Variants in GHR observed in about 807,000 individuals in gnomAD.
GHR encodes growth hormone receptor, also known as GH receptor.
GHR carries 35 observed loss-of-function variants against 67.1 expected under a neutral mutation model. That is an observed-to-expected ratio of 0.52 (90% CI 0.40 to 0.69). The LOEUF (loss-of-function observed/expected upper bound fraction) is 0.69, where lower values mean the gene tolerates loss of function less well. Ranked by LOEUF, GHR falls within the 30% of genes least tolerant of loss-of-function variation. The pLI is 0.00. For synonymous variants in GHR, 272 were observed against 269.1 expected (o/e 1.01, Z -0.10); for missense variants, 792 against 764.6 (o/e 1.04, Z -0.42).
rs117881186 is a variant in GHR at position 42,585,798 on chromosome 5, G to A, written c.70+19854G>A. 1.5e-3 allele frequency among the ~76,000 whole-genome samples: 230 copies of A among 152,112 alleles called. 4 individuals carry two copies. The East Asian group carries it at 0.029, about 19-fold the overall frequency. On this transcript the variant is annotated intron_variant, in intron 2 of 9. Transcript: ENST00000230882. Reference sequence around the variant, plus strand: ...AAAAAAAAAAGGAGCTAGTAAGATTGAGAAGGGGAAGAATATCTAAGCTAA... The same window carrying A: ...AAAAAAAAAAGGAGCTAGTAAGATTAAGAAGGGGAAGAATATCTAAGCTAA...
chr5:42,648,371 TAGGGTG>T (rs947019206), intron 3 of GHR, among the ~76,000 whole-genome samples: 9 of 152,254 alleles, frequency 5.9e-5, no homozygotes, highest in African/African-American at 1.9e-4. Flanking sequence ...GGTTATTTTC[TAGGGTG>T]AGGGGACATG....
chr5:42,451,434 G>T (rs1579722381), intron 1 of GHR, among the ~76,000 whole-genome samples: 1 of 147,992 alleles, frequency 6.8e-6, no homozygotes, highest in African/African-American at 2.5e-5. Context: ...AGTCTGTTTT[G>T]TCTGATATAA....
chr5:42,434,961 C>G (rs1475350015), intron 1 of GHR, among the ~76,000 whole-genome samples: 2 of 152,176 alleles, frequency 1.3e-5, no homozygotes, highest in Non-Finnish European at 2.9e-5. Context: ...ATCTTTGTGA[C>G]TCTCAGCCAA....
rs1434310057 is a variant in GHR at position 42,702,483 on chromosome 5, T to G, written c.618+2481T>G. Among the ~76,000 whole-genome samples, 3 of 152,084 alleles carry G rather than the reference T, an allele frequency of 2.0e-5. No homozygotes were observed. The East Asian group carries it at 5.8e-4, about 29-fold the overall frequency. ...ATAGGTCGATTCTATTTCTTGGCTG[T>G]TATAAGTAATGAACATGGGAGCCCA... On this transcript the variant is annotated intron_variant, in intron 6 of 9. Coordinates refer to ENST00000230882, the MANE Select transcript of GHR (RefSeq NM_000163.5).
intron 1 of GHR, among the ~76,000 whole-genome samples, chr5:42,562,446 A>C (rs976178812): frequency 1.3e-5 from 2 of 152,046 alleles, no homozygotes; most frequent in Non-Finnish European, 2.9e-5. Flanking sequence ...TCGGGTCCCT[A>C]TGCAGTGTTC....
chr5:42,689,712 G>A (rs896840808), intron 4 of GHR, among the ~76,000 whole-genome samples: 5 of 152,200 alleles, frequency 3.3e-5, no homozygotes, highest in African/African-American at 1.2e-4. Context: ...AGGGATCAGA[G>A]AGTTACTTAG....
intron 3 of GHR, among the ~76,000 whole-genome samples, chr5:42,656,177 C>A (rs867613754): frequency 1.4e-3 from 208 of 152,250 alleles, no homozygotes; most frequent in African/African-American, 4.6e-3. Context: ...ACTCTTCCTG[C>A]AAAATTCCTC....
chr5:42,531,099 C>T (rs1220934518), intron 1 of GHR, among the ~76,000 whole-genome samples: 1 of 152,086 alleles, frequency 6.6e-6, no homozygotes, highest in East Asian at 1.9e-4. Context: ...GAAACCCCAT[C>T]TCTACTAAAA....
chr5:42,689,841 C>G (rs1392470032), intron 4 of GHR, among the ~76,000 whole-genome samples: 1 of 152,120 alleles, frequency 6.6e-6, no homozygotes, highest in Non-Finnish European at 1.5e-5. Context: ...AGCTTTGTTT[C>G]TAACCAGATA....
intron 1 of GHR, chr5:42,467,731 C>T: frequency 6.4e-7 from 1 of 1,562,276 alleles, no homozygotes; most frequent in Non-Finnish European, 8.8e-7. Context: ...AGGTTTCTCC[C>T]CGGTGTGGAT....
At chr5:42,511,857 C>G (rs1019416905) in intron 1 of GHR, among the ~76,000 whole-genome samples, 1 of 152,034 alleles carries the variant, frequency 6.6e-6, no homozygotes, top group Non-Finnish European at 1.5e-5. Context: ...ATATTTCTGG[C>G]CTGGAAAAAT....
At chr5:42,567,716 T>C (rs1395934167) in intron 2 of GHR, among the ~76,000 whole-genome samples, 2 of 152,068 alleles carry the variant, frequency 1.3e-5, no homozygotes, top group African/African-American at 4.8e-5. Flanking sequence ...ATGATGTTTA[T>C]GTAAGAAGGC....
At chr5:42,605,261 G>A (rs537284478) in intron 2 of GHR, among the ~76,000 whole-genome samples, 1 of 151,684 alleles carries the variant, frequency 6.6e-6, no homozygotes, top group South Asian at 2.1e-4. Context: ...GCACCAACAC[G>A]CCCGGCTAAT....
At chr5:42,686,933 C>G (rs1270319125) in intron 3 of GHR, among the ~76,000 whole-genome samples, 2 of 152,162 alleles carry the variant, frequency 1.3e-5, no homozygotes, top group Admixed American at 1.3e-4. Flanking sequence ...AAAACCCCAT[C>G]GTCTCAGCCC....
chr5:42,545,653 G>A (rs1748703387), intron 1 of GHR, among the ~76,000 whole-genome samples: 1 of 152,172 alleles, frequency 6.6e-6, no homozygotes, highest in South Asian at 2.1e-4. Flanking sequence ...TCTGTTTGAA[G>A]TGGAAATCTT....
chr5:42,557,684 C>A (rs972560107), intron 1 of GHR, among the ~76,000 whole-genome samples: 5 of 152,134 alleles, frequency 3.3e-5, no homozygotes, highest in Non-Finnish European at 5.9e-5. Context: ...CAAGCCCACC[C>A]TCTCTGTAAA....
chr5:42,583,303 A>G (rs1751288365), intron 2 of GHR, among the ~76,000 whole-genome samples: 1 of 152,238 alleles, frequency 6.6e-6, no homozygotes, highest in East Asian at 1.9e-4. Context: ...TTCACTTAGA[A>G]ATGGAAACCC....
chr5:42,713,286 C>A (rs1579664531), intron 7 of GHR, 143 bp from the exon 8 acceptor site: 1 of 617,038 alleles, frequency 1.6e-6, no homozygotes. Context: ...TCGTTGCATT[C>A]TGTTTCAGTG....
At position 42,423,547 on chromosome 5, in the gene GHR, A is replaced by C. The variant is rs2111845451; in HGVS notation, c.-420A>C. On this transcript the variant is annotated 5_prime_UTR_variant, in exon 1 of 10. Coordinates refer to ENST00000230882, the MANE Select transcript of GHR (RefSeq NM_000163.5). The stretch of plus-strand genomic sequence containing the variant: ...CTCGGCCTCTCCGCAGCAGTTCTCG[A>C]ACTGGCCTCCTTGAACGTCCGCTTC... 6.6e-6 allele frequency among the ~76,000 whole-genome samples: 1 copy of C among 151,586 alleles called. No individual in the cohort carries two copies. Among genetic ancestry groups the C allele is most frequent in the East Asian group, 2.0e-4 (1 of 5,116 alleles).
Sources: allele counts gnomAD v4.1 joint callset (sites outside exome capture counted in the v4.1 genomes callset), GRCh38; gene constraint gnomAD v4.1.1; transcripts MANE v1.5; gene names NCBI Gene and HGNC (gene_info 2026-07-23, HGNC 2026-07-21).